ADGRB3: variants seen among roughly 807,000 people sequenced by gnomAD.
The protein encoded by ADGRB3 is brain-specific angiogenesis inhibitor 3.
A neutral mutation model predicts 193.4 loss-of-function variants in ADGRB3; 37 were observed. The observed-to-expected ratio is 0.19, with a 90% CI of 0.15 to 0.25. The LOEUF is 0.25. ADGRB3 is among the 10% of genes least tolerant of loss of function. The pLI, the probability that ADGRB3 is intolerant of heterozygous loss-of-function variation, is 1.00. For synonymous variants in ADGRB3, 690 were observed against 644.2 expected (o/e 1.07, Z -1.08); for missense variants, 1,637 against 1,852.9 (o/e 0.88, Z 2.14).
At chr6:69,334,564 A>G (rs1182564923) in intron 24 of ADGRB3, among the ~76,000 whole-genome samples, 1 of 152,224 alleles carries the variant, frequency 6.6e-6, no homozygotes, top group Non-Finnish European at 1.5e-5. Context: ...TAGTACAAGC[A>G]CAGCTTTCTA....
chr6:69,147,892 A>G (rs1246065602), intron 17 of ADGRB3, among the ~76,000 whole-genome samples: 1 of 152,164 alleles, frequency 6.6e-6, no homozygotes, highest in Non-Finnish European at 1.5e-5. Flanking sequence ...ATTATTATAT[A>G]ATGACCTTCT....
At chr6:69,330,395 A>G in intron 22 of ADGRB3, 111 bp from the exon 23 acceptor site, 6 of 639,094 alleles carry the variant, frequency 9.4e-6, no homozygotes, top group Admixed American at 3.4e-5. Context: ...AATGTTTAAC[A>G]TGTGCCAAAA....
At chr6:68,647,317 A>G (rs1358415690) in intron 3 of ADGRB3, among the ~76,000 whole-genome samples, 1 of 152,164 alleles carries the variant, frequency 6.6e-6, no homozygotes, top group Non-Finnish European at 1.5e-5. Flanking sequence ...ATGTCATTAT[A>G]TGGTATTTAA....
intron 17 of ADGRB3, among the ~76,000 whole-genome samples, chr6:69,077,616 G>A (rs1361433115): frequency 6.6e-6 from 1 of 151,924 alleles, no homozygotes; most frequent in African/African-American, 2.4e-5. Context: ...AAGGTGTTAA[G>A]TTGAATTTAT....
intron 12 of ADGRB3, among the ~76,000 whole-genome samples, chr6:69,017,606 A>T (rs1018837415): frequency 3.9e-5 from 6 of 151,912 alleles, no homozygotes; most frequent in Admixed American, 2.0e-4. Flanking sequence ...GATGTTGAAA[A>T]AATCACTTGG....
At chr6:69,311,115 A>G (rs1287061084) in intron 20 of ADGRB3, among the ~76,000 whole-genome samples, 5 of 151,750 alleles carry the variant, frequency 3.3e-5, no homozygotes, top group Admixed American at 2.0e-4. Flanking sequence ...GATTTGCTAC[A>G]ATGTGATTTC....
At chr6:69,161,895 G>A (rs1050522394) in intron 17 of ADGRB3, among the ~76,000 whole-genome samples, 1 of 152,086 alleles carries the variant, frequency 6.6e-6, no homozygotes, top group African/African-American at 2.4e-5. Context: ...CCCTCAGAGT[G>A]AGCAAGCAAG....
At chr6:68,858,613 A>C (rs1765059686) in intron 3 of ADGRB3, among the ~76,000 whole-genome samples, 1 of 147,306 alleles carries the variant, frequency 6.8e-6, no homozygotes, top group Non-Finnish European at 1.5e-5. Context: ...AAAAAAAAAC[A>C]CAGCATAAAT....
chr6:69,138,761 G>T (rs554549090), intron 17 of ADGRB3, among the ~76,000 whole-genome samples: 260 of 152,234 alleles, frequency 1.7e-3, no homozygotes, highest in African/African-American at 5.7e-3. Context: ...GTATTTCATT[G>T]TAACGCTGCC....
At chr6:68,827,014 A>C (rs1365061339) in intron 3 of ADGRB3, among the ~76,000 whole-genome samples, 1 of 152,126 alleles carries the variant, frequency 6.6e-6, no homozygotes, top group Non-Finnish European at 1.5e-5. Flanking sequence ...TATAAATTTG[A>C]GTGGCATAAG....
At chr6:69,338,254 A>G (rs1446520126) in intron 24 of ADGRB3, among the ~76,000 whole-genome samples, 1 of 152,212 alleles carries the variant, frequency 6.6e-6, no homozygotes, top group Non-Finnish European at 1.5e-5. Context: ...TTTGAACTTA[A>G]TGACTATGTT....
chr6:69,378,514 G>T (rs1243287130), intron 30 of ADGRB3, among the ~76,000 whole-genome samples: 1 of 151,992 alleles, frequency 6.6e-6, no homozygotes, highest in Non-Finnish European at 1.5e-5. Context: ...ACCTCCCAGG[G>T]TTATTGTGAG....
chr6:69,318,956 G>T (rs1429337086), intron 20 of ADGRB3, among the ~76,000 whole-genome samples: 9 of 150,442 alleles, frequency 6.0e-5, no homozygotes, highest in African/African-American at 2.2e-4. Flanking sequence ...AATGGCCAAG[G>T]TTTCGCTGCT....
intron 3 of ADGRB3, among the ~76,000 whole-genome samples, chr6:68,903,561 T>G (rs1277939343): frequency 6.6e-6 from 1 of 152,178 alleles, no homozygotes; most frequent in African/African-American, 2.4e-5. Context: ...ACTGAATTGC[T>G]GCTATTTGGA....
chr6:68,666,225 C>T (rs1337826347), intron 3 of ADGRB3, among the ~76,000 whole-genome samples: 1 of 151,860 alleles, frequency 6.6e-6, no homozygotes, highest in African/African-American at 2.4e-5. Flanking sequence ...TGCTTTCAGT[C>T]AGGGCATGGT....
Position 69,030,371 on chromosome 6 carries a change from C to T in ADGRB3, c.2107+11872C>T, listed in dbSNP as rs941820955. ...AAAGACTTGGAACCAACCCAAATGCCCATCAGTGATAGACTGGATAAAGAA... is the reference window on the plus strand; with the variant it reads ...AAAGACTTGGAACCAACCCAAATGCTCATCAGTGATAGACTGGATAAAGAA... On this transcript the variant is annotated intron_variant, in intron 13 of 31. Coordinates refer to ENST00000370598, the MANE Select transcript of ADGRB3 (RefSeq NM_001704.3). Among the ~76,000 whole-genome samples the T allele has an allele frequency of 2.0e-5, 3 of 152,138 alleles. No individual in the cohort carries two copies. The South Asian group carries it at 6.2e-4, about 31-fold the overall frequency.
At chr6:68,976,902 A>T (rs900759919) in intron 10 of ADGRB3, among the ~76,000 whole-genome samples, 1 of 151,854 alleles carries the variant, frequency 6.6e-6, no homozygotes, top group Non-Finnish European at 1.5e-5. Context: ...TTGGCTATAT[A>T]CAGCCTTATT....
intron 17 of ADGRB3, among the ~76,000 whole-genome samples, chr6:69,174,199 C>G (rs1775363692): frequency 6.6e-6 from 1 of 152,152 alleles, no homozygotes; most frequent in Admixed American, 6.5e-5. Context: ...GATCCTGTCT[C>G]CCAGGTACTA....
At chr6:69,104,924 C>T (rs1257615521) in intron 17 of ADGRB3, among the ~76,000 whole-genome samples, 1 of 152,098 alleles carries the variant, frequency 6.6e-6, no homozygotes, top group Non-Finnish European at 1.5e-5. Context: ...GATTGGGAGA[C>T]ACCGGATATC....
Sources: allele counts gnomAD v4.1 joint callset (sites outside exome capture counted in the v4.1 genomes callset), GRCh38; gene constraint gnomAD v4.1.1; transcripts MANE v1.5; gene names NCBI Gene and HGNC (gene_info 2026-07-23, HGNC 2026-07-21).